OLFML2A: variants seen among roughly 807,000 people sequenced by gnomAD.
The protein encoded by OLFML2A is olfactomedin like 2A, also known as olfactomedin-like protein 2A.
In OLFML2A, 47 loss-of-function variants were observed where a neutral mutation model predicts 60.9. That is an observed-to-expected ratio of 0.77 (90% CI 0.61 to 0.98). The LOEUF is 0.98. OLFML2A is among the 50% of genes least tolerant of loss of function. The probability of loss-of-function intolerance (pLI) is 0.00; values close to 1 mark genes in which losing one functional copy is unlikely to be tolerated. For synonymous variants in OLFML2A, 372 were observed against 375.0 expected, an observed-to-expected ratio of 0.99 and a Z score of 0.09; for missense variants, 922 against 879.8, an observed-to-expected ratio of 1.05 and a Z score of -0.61.
intron 2 of OLFML2A, among the ~76,000 whole-genome samples, chr9:124,791,169 G>C (rs1841562831): frequency 6.6e-6 from 1 of 152,172 alleles, no homozygotes; most frequent in Admixed American, 6.5e-5. Context: ...GACTGTGGGA[G>C]CCCCAAGGAG....
At chr9:124,783,636 T>C (rs1176445110) in intron 1 of OLFML2A, among the ~76,000 whole-genome samples, 1 of 152,164 alleles carries the variant, frequency 6.6e-6, no homozygotes. Context: ...TTGCCTACAG[T>C]CTCACTGAGG....
chr9:124,807,091 T>TG (rs1426568971), intron 6 of OLFML2A, among the ~76,000 whole-genome samples: 2 of 147,460 alleles, frequency 1.4e-5, no homozygotes, highest in Non-Finnish European at 3.0e-5. Flanking sequence ...TTAAAAAAAT[T>TG]TTTTTTTTTT....
chr9:124,809,596 G>A (rs1198797682), intron 7 of OLFML2A, among the ~76,000 whole-genome samples: 2 of 151,866 alleles, frequency 1.3e-5, no homozygotes, highest in African/African-American at 4.8e-5. Context: ...TTGATCCTCT[G>A]AGCCTTTTTT....
chr9:124,798,069 A>G (rs1175008944), intron 3 of OLFML2A, among the ~76,000 whole-genome samples: 1 of 152,198 alleles, frequency 6.6e-6, no homozygotes, highest in Non-Finnish European at 1.5e-5. Context: ...GGGAGCAGAG[A>G]TTCACCCTCA....
intron 4 of OLFML2A, chr9:124,801,174 C>T (rs58411946): frequency 4.6e-6 from 5 of 1,092,722 alleles, no homozygotes; most frequent in Non-Finnish European, 6.6e-6. Flanking sequence ...GGAATCTAAC[C>T]TATCAGGTTG....
rs2131233304 is a variant in OLFML2A, at chr9:124,777,863, A to G, written c.90+503A>G. The stretch of plus-strand genomic sequence containing the variant: ...ACCCCCTGGAGGACTAGGTAGCTCC[A>G]GAAGTGGTCTGAGCTGTTCTCTGCT... On this transcript the variant is annotated intron_variant, in intron 1 of 7. Transcript: ENST00000373580. This position sits in a 1 kb window ranked among gnomAD's most constrained non-coding sequence, Gnocchi z 6.2. Among the ~76,000 whole-genome samples, 1 of 152,290 alleles carries G rather than the reference A, an allele frequency of 6.6e-6. No homozygotes were observed. Among genetic ancestry groups the G allele is most frequent in the South Asian group, 2.1e-4 (1 of 4,828 alleles).
chr9:124,778,622 A>G lies in OLFML2A; in HGVS notation c.90+1262A>G, dbSNP rs1195114680. Among the ~76,000 whole-genome samples the G allele has an allele frequency of 3.3e-5, 3 of 91,320 alleles. No homozygotes were observed. The South Asian group carries it at 1.1e-3, about 33-fold the overall frequency. 59.9% of individuals were successfully genotyped at this position (91,320 alleles called of 152,430 possible). A position where few individuals can be genotyped will look rare whatever the true frequency, so the allele number is the denominator to read the frequency against. On this transcript the variant is annotated intron_variant, in intron 1 of 7. Transcript: ENST00000373580. The stretch of plus-strand genomic sequence containing the variant: ...GGCAACAGAGTGAGACCCCGTCTCT[A>G]TAAAAAAAAAAAAAATTAAATTAAA...
intron 1 of OLFML2A, among the ~76,000 whole-genome samples, chr9:124,784,952 T>TTTTTTG (rs1841431808): frequency 9.2e-6 from 1 of 108,164 alleles, no homozygotes; most frequent in Admixed American, 9.3e-5. Flanking sequence ...TGTTTTTTTT[T>TTTTTTG]TTTTTTTTTT....
intron 2 of OLFML2A, among the ~76,000 whole-genome samples, chr9:124,794,125 G>A (rs1340997805): frequency 6.6e-6 from 1 of 152,210 alleles, no homozygotes; most frequent in African/African-American, 2.4e-5. Flanking sequence ...CCAAGTGAGG[G>A]TGTGGTCTTG....
intron 2 of OLFML2A, among the ~76,000 whole-genome samples, chr9:124,790,088 G>T (rs1377135346): frequency 1.3e-5 from 2 of 152,196 alleles, no homozygotes; most frequent in Non-Finnish European, 2.9e-5. Context: ...GGGACTTATG[G>T]TACCAGCTTT....
At position 124,807,947 on chromosome 9, in the gene OLFML2A, C is replaced by T; in HGVS notation, c.1335C>T (p.Asn445=). The part of the protein sequence containing the change: ...YYGNSLVEFR[N]LENFKQGRWS... ...GAAACAGCCTGGTGGAGTTCCGCAA[C>T]CTGGAAAACTTCAAGCAAGGTCAGG... The change falls in exon 7 of 8, where the codon AAC becomes AAT. Residue 445 remains asparagine (N), a synonymous_variant. Coordinates refer to ENST00000373580, the MANE Select transcript of OLFML2A (RefSeq NM_182487.4). 1.2e-6 allele frequency: 2 copies of T among 1,614,004 alleles called. No individual in the cohort carries two copies. Among genetic ancestry groups the T allele is most frequent in the South Asian group, 2.2e-5 (2 of 91,070 alleles).
At chr9:124,791,629 T>G (rs1841569184) in intron 2 of OLFML2A, among the ~76,000 whole-genome samples, 1 of 150,688 alleles carries the variant, frequency 6.6e-6, no homozygotes, top group African/African-American at 2.4e-5. Flanking sequence ...TCCCAGCTAC[T>G]TGGGAGGCTG....
chr9:124,807,992 G>T (rs180917685), intron 7 of OLFML2A, 26 bp downstream of exon 7: 1 of 1,600,862 alleles, frequency 6.2e-7, no homozygotes, highest in South Asian at 1.1e-5. Flanking sequence ...AGGTGGAGAG[G>T]GGGCTGGGTA....
intron 3 of OLFML2A, among the ~76,000 whole-genome samples, chr9:124,796,351 G>T (rs1216713861): frequency 1.3e-5 from 2 of 152,132 alleles, no homozygotes; most frequent in Admixed American, 1.3e-4. Context: ...CCCGTTACTG[G>T]CTCTGAAGTT....
rs538878788 is a variant in OLFML2A at position 124,801,810 on chromosome 9, G to A, written c.919+147G>A. Reference sequence around the variant, plus strand: ...TGCCCTCTGCTCATTCACATATGAGGATAACACCCCACTCAGGGGGTCATT... The same window carrying A: ...TGCCCTCTGCTCATTCACATATGAGAATAACACCCCACTCAGGGGGTCATT... On this transcript the variant is annotated intron_variant, in intron 5 of 7. Coordinates refer to ENST00000373580, the MANE Select transcript of OLFML2A (RefSeq NM_182487.4). 3 of 909,100 alleles carry A rather than the reference G, an allele frequency of 3.3e-6. No individual in the cohort carries two copies. In the African/African-American group the frequency reaches 5.0e-5, roughly 15 times the overall value. 56.3% of individuals were successfully genotyped at this position (909,100 alleles called of 1,614,324 possible).
At chr9:124,799,617 C>T in intron 4 of OLFML2A, 126 bp downstream of exon 4, 1 of 761,162 alleles carries the variant, frequency 1.3e-6, no homozygotes. Flanking sequence ...TGAGGACTGG[C>T]ACAGCCAGAG....
chr9:124,804,009 G>T (rs1841835650), intron 5 of OLFML2A, 85 bp from the exon 6 acceptor site: 1 of 1,481,912 alleles, frequency 6.7e-7, no homozygotes, highest in African/African-American at 1.4e-5. Context: ...GAGGGCCCCT[G>T]AGATGGGGGC....
intron 1 of OLFML2A, among the ~76,000 whole-genome samples, chr9:124,780,710 C>T (rs1000881552): frequency 6.6e-6 from 1 of 152,234 alleles, no homozygotes; most frequent in Non-Finnish European, 1.5e-5. Context: ...TTGGCTGGGG[C>T]ATCTGGGGCA....
chr9:124,777,783 G>T lies in OLFML2A; in HGVS notation c.90+423G>T, dbSNP rs1841284335. On this transcript the variant is annotated intron_variant, in intron 1 of 7. Coordinates refer to ENST00000373580, the MANE Select transcript of OLFML2A (RefSeq NM_182487.4). This position sits in a 1 kb window ranked among gnomAD's most constrained non-coding sequence, Gnocchi z 6.2. ...TGGGGGTCTTCTCTACCCGATGAAC[G>T]CAGCCGCGCTGGCCACTCGCCTGGC... Among the ~76,000 whole-genome samples the T allele has an allele frequency of 6.6e-6, 1 of 152,110 alleles. No individual in the cohort carries two copies. The highest frequency in any genetic ancestry group is 1.5e-5 in the Non-Finnish European group (1 of 67,996).
Sources: gnomAD v4.1 joint callset for allele counts (sites outside exome capture counted in the v4.1 genomes callset) on GRCh38, gnomAD v4.1.1 for gene constraint, Gnocchi (gnomAD v3.1) non-coding constraint, MANE v1.5 for transcripts, NCBI Gene and HGNC (gene_info 2026-07-23, HGNC 2026-07-21) for gene names.